NDUFAF2: variants seen among roughly 807,000 people sequenced by gnomAD.
NDUFAF2 encodes NADH dehydrogenase [ubiquinone] 1 alpha subcomplex assembly factor 2.
NDUFAF2 carries 13 observed loss-of-function variants against 22.8 expected under a neutral mutation model. That is an observed-to-expected ratio of 0.57 (90% CI 0.37 to 0.91). The LOEUF (loss-of-function observed/expected upper bound fraction) is 0.91. Ranked by LOEUF, NDUFAF2 falls within the 40% of genes least tolerant of loss-of-function variation. NDUFAF2 has a pLI of 0.01. For missense variants in NDUFAF2, 162 were observed against 195.2 expected (o/e 0.83, Z 1.01); for synonymous variants, 53 against 64.2 (o/e 0.83, Z 0.84).
chr5:61,009,529 A>C (rs1259501531), intron 1 of NDUFAF2, among the ~76,000 whole-genome samples: 1 of 152,128 alleles, frequency 6.6e-6, no homozygotes, highest in Non-Finnish European at 1.5e-5. Flanking sequence ...ATTAAATTTA[A>C]AGTTACTTTT....
At chr5:60,963,952 G>A (rs1005882311) in intron 1 of NDUFAF2, among the ~76,000 whole-genome samples, 9 of 152,122 alleles carry the variant, frequency 5.9e-5, no homozygotes, top group Non-Finnish European at 1.0e-4. Context: ...AGAGGGAATA[G>A]CAGTATACAT....
At chr5:61,040,467 T>A (rs1751866706) in intron 1 of NDUFAF2, among the ~76,000 whole-genome samples, 1 of 152,142 alleles carries the variant, frequency 6.6e-6, no homozygotes, top group African/African-American at 2.4e-5. Flanking sequence ...TGAATTTCTG[T>A]TAAGTCACAC....
chr5:61,111,072 C>T (rs114077670), intron 3 of NDUFAF2, among the ~76,000 whole-genome samples: 1 of 152,010 alleles, frequency 6.6e-6, no homozygotes, highest in Non-Finnish European at 1.5e-5. Context: ...CTTCATTGAC[C>T]CACTGATCTT....
At chr5:60,970,063 A>C (rs1334537228) in intron 1 of NDUFAF2, among the ~76,000 whole-genome samples, 5 of 152,190 alleles carry the variant, frequency 3.3e-5, no homozygotes, top group Non-Finnish European at 7.4e-5. Context: ...TGGGTTCTCT[A>C]TTCTGTTCCA....
At chr5:60,986,971 A>G (rs1363575433) in intron 1 of NDUFAF2, among the ~76,000 whole-genome samples, 1 of 151,466 alleles carries the variant, frequency 6.6e-6, no homozygotes, top group Non-Finnish European at 1.5e-5. Flanking sequence ...ATGGAAAACC[A>G]TACAAGGACC....
At chr5:61,011,987 T>C (rs1016294598) in intron 1 of NDUFAF2, among the ~76,000 whole-genome samples, 7 of 152,196 alleles carry the variant, frequency 4.6e-5, no homozygotes, top group African/African-American at 9.6e-5. Context: ...AGATTACTAC[T>C]GGTAACCTGT....
chr5:61,099,920 A>G (rs1308279850), intron 3 of NDUFAF2, among the ~76,000 whole-genome samples: 2 of 152,138 alleles, frequency 1.3e-5, no homozygotes, highest in African/African-American at 2.4e-5. Context: ...GAGCAGGATA[A>G]TGATGATACC....
intron 1 of NDUFAF2, among the ~76,000 whole-genome samples, chr5:60,996,601 A>AT (rs1751231853): frequency 1.3e-5 from 2 of 152,146 alleles, no homozygotes. Flanking sequence ...CAACACCAGG[A>AT]TTCATCCAAG....
At chr5:61,127,247 A>G (rs1456303842) in intron 3 of NDUFAF2, among the ~76,000 whole-genome samples, 2 of 152,200 alleles carry the variant, frequency 1.3e-5, no homozygotes, top group Non-Finnish European at 2.9e-5. Context: ...AACTATTCCA[A>G]TCAATAGAAA....
chr5:61,004,804 C>T (rs1751343996), intron 1 of NDUFAF2, among the ~76,000 whole-genome samples: 1 of 152,046 alleles, frequency 6.6e-6, no homozygotes, highest in South Asian at 2.1e-4. Flanking sequence ...TTACTCATAG[C>T]ATTGACCCAA....
rs1377961254 is a variant in NDUFAF2 at position 61,152,785 on chromosome 5, A to G, written c.340A>G (p.Lys114Glu). 4 of 1,598,396 alleles carry G rather than the reference A, an allele frequency of 2.5e-6. No individual in the cohort carries two copies. The Admixed American group carries it at 5.1e-5, about 20-fold the overall frequency. Residue 114 changes from lysine to glutamate, a missense_variant, in exon 4 of 4, where the codon AAA becomes GAA. This residue lies in a region of NDUFAF2 where 68 missense variants were observed against 110.0 expected (regional missense o/e 0.62). Coordinates refer to ENST00000296597, the MANE Select transcript of NDUFAF2 (RefSeq NM_174889.5). ...TTATGAAAAAGAAAAACTCCTTAGT[A>G]AAGAGACCAGTGAGGAACTCCTGCC... The part of the protein sequence containing the change: ...DFYEKEKLLS[K>E]ETSEELLPPP...
At chr5:61,051,020 A>T (rs1752018085) in intron 1 of NDUFAF2, among the ~76,000 whole-genome samples, 1 of 152,222 alleles carries the variant, frequency 6.6e-6, no homozygotes, top group African/African-American at 2.4e-5. Flanking sequence ...TATCTAAAAA[A>T]TGCTATCATA....
rs1741266503 is a variant in NDUFAF2 at position 61,152,913 on chromosome 5, A to C, written c.468A>C (p.Pro156=). 1.2e-6 allele frequency: 2 copies of C among 1,613,666 alleles called. No homozygotes were observed. The highest frequency in any genetic ancestry group is 2.2e-5 in the South Asian group (2 of 91,012). Residue 156 remains proline (P), a synonymous_variant, in exon 4 of 4, where the codon CCA becomes CCC. Coordinates refer to ENST00000296597, the MANE Select transcript of NDUFAF2 (RefSeq NM_174889.5). ...APSSTGKTFQ[P]GSWMPRDGKS... ...GCAGCACTGGTAAAACCTTTCAGCCAGGATCCTGGATGCCACGAGATGGCA... is the reference window on the plus strand; with the variant it reads ...GCAGCACTGGTAAAACCTTTCAGCCCGGATCCTGGATGCCACGAGATGGCA...
intron 3 of NDUFAF2, among the ~76,000 whole-genome samples, chr5:61,147,565 C>T (rs958453175): frequency 1.3e-5 from 2 of 151,378 alleles, no homozygotes; most frequent in African/African-American, 4.8e-5. Flanking sequence ...TGAGCCACCA[C>T]GTACGGCTAG....
chr5:61,013,473 G>C (rs912136569), intron 1 of NDUFAF2, among the ~76,000 whole-genome samples: 1 of 151,854 alleles, frequency 6.6e-6, no homozygotes, highest in Non-Finnish European at 1.5e-5. Context: ...GCCTTATTTG[G>C]ATTATATTAA....
intron 3 of NDUFAF2, among the ~76,000 whole-genome samples, chr5:61,102,152 T>C (rs567975617): frequency 2.2e-4 from 34 of 152,276 alleles, no homozygotes; most frequent in Middle Eastern, 3.4e-3. Flanking sequence ...ATGTCAGACT[T>C]TTTTGATAGA....
chr5:60,979,958 C>G (rs528715050), intron 1 of NDUFAF2, among the ~76,000 whole-genome samples: 2 of 152,032 alleles, frequency 1.3e-5, no homozygotes, highest in African/African-American at 4.8e-5. Flanking sequence ...CTCCAGGCAG[C>G]TCTGCACACA....
intron 3 of NDUFAF2, among the ~76,000 whole-genome samples, chr5:61,104,268 A>G (rs996292344): frequency 6.6e-6 from 1 of 152,160 alleles, no homozygotes; most frequent in Non-Finnish European, 1.5e-5. Context: ...GAAGCCACTT[A>G]TAGCAAATAC....
At chr5:61,012,879 A>G (rs373997390) in intron 1 of NDUFAF2, among the ~76,000 whole-genome samples, 8 of 152,124 alleles carry the variant, frequency 5.3e-5, no homozygotes, top group East Asian at 1.9e-4. Context: ...TATTTCTTCT[A>G]TAGTAGTTTC....
Sources: gnomAD v4.1 joint callset for allele counts (sites outside exome capture counted in the v4.1 genomes callset) on GRCh38, gnomAD v4.1.1 for gene constraint, gnomAD v4.1.1 regional missense constraint, MANE v1.5 for transcripts, NCBI Gene and HGNC (gene_info 2026-07-23, HGNC 2026-07-21) for gene names.